Variants in CS observed in about 807,000 individuals in gnomAD.
CS encodes citrate synthase, mitochondrial.
In CS, 13 loss-of-function variants were observed where a neutral mutation model predicts 61.4. The observed-to-expected ratio is 0.21, with a 90% CI of 0.14 to 0.34. The LOEUF is 0.34. Ranked by LOEUF, CS falls within the 10% of genes least tolerant of loss-of-function variation. CS has a pLI of 1.00. For missense variants in CS, 278 were observed against 573.4 expected (o/e 0.48, Z 5.26); for synonymous variants, 159 against 215.2 (o/e 0.74, Z 2.29).
At chr12:56,283,286 C>T (rs1044582652) in intron 4 of CS, among the ~76,000 whole-genome samples, 6 of 152,144 alleles carry the variant, frequency 3.9e-5, no homozygotes, top group African/African-American at 1.4e-4. Flanking sequence ...CACTGTCGCC[C>T]AGGCTGGAGT....
chr12:56,278,457 G>C (rs1432958919), intron 6 of CS, among the ~76,000 whole-genome samples: 1 of 152,112 alleles, frequency 6.6e-6, no homozygotes, highest in Admixed American at 6.5e-5. Flanking sequence ...TTGATAAACA[G>C]GCCAAGCACG....
chr12:56,296,555 GTT>G (rs1279340420), intron 1 of CS, among the ~76,000 whole-genome samples: 3 of 152,194 alleles, frequency 2.0e-5, no homozygotes, highest in African/African-American at 7.2e-5. Flanking sequence ...CCTCATTACG[GTT>G]TTAAATTTCA....
At chr12:56,283,518 C>G (rs1431454451) in intron 4 of CS, among the ~76,000 whole-genome samples, 1 of 152,194 alleles carries the variant, frequency 6.6e-6, no homozygotes, top group African/African-American at 2.4e-5. Context: ...GCTGGGATTA[C>G]AGGTGTGAGC....
Position 56,286,618 on chromosome 12 carries a change from G to C in CS, c.70C>G (p.Arg24Gly). 1.9e-6 allele frequency: 3 copies of C among 1,613,964 alleles called. No homozygotes were observed. The highest frequency in any genetic ancestry group is 2.5e-6 in the Non-Finnish European group (3 of 1,179,948). Reference protein sequence around the residue: ...KNASCLVLAARHASASSTNLK... With the variant: ...KNASCLVLAAGHASASSTNLK... ...ACCGTGGAGGAAGCACTGGCATGCC[G>C]GGCTGCAAGAACAAGACAAGATGCA... is the stretch of plus-strand genomic sequence containing the variant. The change falls in exon 2 of 11, where the codon CGG becomes GGG. Residue 24 changes from arginine (R) to glycine (G), a missense_variant. Arg to Gly is a moderately radical substitution (Grantham distance 125, BLOSUM62 -2). Transcript: ENST00000351328.
chr12:56,274,559 C>T (rs1298484143), intron 9 of CS: 1 of 467,358 alleles, frequency 2.1e-6, no homozygotes, highest in African/African-American at 2.0e-5. Context: ...AAACTCCTGG[C>T]CTCAAGCAAT....
intron 6 of CS, among the ~76,000 whole-genome samples, chr12:56,277,716 C>T (rs914101377): frequency 3.3e-4 from 49 of 149,430 alleles, no homozygotes; most frequent in Middle Eastern, 3.2e-3. Context: ...CTGCAAGCTC[C>T]GCCTCCCGGG....
intron 1 of CS, among the ~76,000 whole-genome samples, chr12:56,292,681 G>A (rs1431053226): frequency 2.8e-5 from 4 of 140,596 alleles, no homozygotes; most frequent in Non-Finnish European, 4.5e-5. Context: ...TCAGGAGATC[G>A]AGACCATCCT....
At chr12:56,273,551 A>C in intron 10 of CS, 36 bp downstream of exon 10, 1 of 1,596,746 alleles carries the variant, frequency 6.3e-7, no homozygotes, top group Non-Finnish European at 8.6e-7. Context: ...AGGGTTTGGT[A>C]CAAATTAGAG....
chr12:56,293,943 C>T (rs953578310), intron 1 of CS, among the ~76,000 whole-genome samples: 14 of 152,122 alleles, frequency 9.2e-5, no homozygotes, highest in African/African-American at 2.4e-4. Context: ...TCAGAGAACA[C>T]GAACACAAAT....
At chr12:56,288,008 C>T (rs547443573) in intron 1 of CS, among the ~76,000 whole-genome samples, 4 of 152,198 alleles carry the variant, frequency 2.6e-5, no homozygotes, top group Admixed American at 2.0e-4. Flanking sequence ...ACTAGGAATA[C>T]GGCCTGAGGC....
intron 2 of CS, 200 bp downstream of exon 2, chr12:56,286,395 C>T: frequency 3.6e-6 from 2 of 551,184 alleles, no homozygotes; most frequent in Non-Finnish European, 6.4e-6. Context: ...TATTGATATT[C>T]CCATCTCACT....
intron 1 of CS, among the ~76,000 whole-genome samples, chr12:56,287,911 G>C (rs890015883): frequency 6.6e-6 from 1 of 152,106 alleles, no homozygotes; most frequent in Non-Finnish European, 1.5e-5. Context: ...GCCTGCCTCG[G>C]CCTCTCAAAG....
In CS at chr12:56,275,079, C is replaced by T. The variant is rs1199784405; in HGVS notation, c.841G>A (p.Ala281Thr). The T allele has an allele frequency of 1.9e-6, 3 of 1,614,114 alleles. No individual in the cohort carries two copies. The highest frequency in any genetic ancestry group is 1.7e-5 in the Admixed American group (1 of 60,012). ...SAHTSHLVGS[A>T]LSDPYLSFAA... ...AAGGACAGGTAAGGGTCGGAAAGGG[C>T]ACTGCCCACCAAATGGCTGGTATGG... Residue 281 changes from alanine to threonine, a missense_variant, in exon 8 of 11, where the codon GCC becomes ACC. By Grantham distance (58) the Ala-to-Thr change is moderately conservative (BLOSUM62 0). Transcript: ENST00000351328.
intron 6 of CS, 151 bp downstream of exon 6, chr12:56,282,269 C>CA: frequency 1.6e-6 from 1 of 620,594 alleles, no homozygotes; most frequent in Non-Finnish European, 2.6e-6. Context: ...CAACAACTGA[C>CA]AAAAAACAAG....
chr12:56,293,705 C>A (rs936482957), intron 1 of CS, among the ~76,000 whole-genome samples: 1 of 152,182 alleles, frequency 6.6e-6, no homozygotes, highest in Admixed American at 6.5e-5. Flanking sequence ...CAGAGCAAGA[C>A]TCCGTCTCAA....
At chr12:56,292,494 G>T (rs1231305888) in intron 1 of CS, among the ~76,000 whole-genome samples, 1 of 151,916 alleles carries the variant, frequency 6.6e-6, no homozygotes, top group African/African-American at 2.4e-5. Context: ...ACAGCAGTAG[G>T]GTGGATGCAT....
At chr12:56,279,747 C>T (rs1403460998) in intron 6 of CS, among the ~76,000 whole-genome samples, 2 of 149,934 alleles carry the variant, frequency 1.3e-5, no homozygotes, top group Non-Finnish European at 3.0e-5. Flanking sequence ...GCCTGGGCAA[C>T]AGAGCGAGAC....
At chr12:56,281,201 A>G (rs1872767919) in intron 6 of CS, among the ~76,000 whole-genome samples, 1 of 152,250 alleles carries the variant, frequency 6.6e-6, no homozygotes, top group Admixed American at 6.5e-5. Flanking sequence ...CAAATAAGGA[A>G]CAAAAGAAAA....
At chr12:56,299,928 G>A (rs1031106617) in intron 1 of CS, 24 of 482,562 alleles carry the variant, frequency 5.0e-5, no homozygotes, top group Non-Finnish European at 8.5e-5. Context: ...CTCCTCACGC[G>A]TTCTGGACTG....
Sources: allele counts gnomAD v4.1 joint callset (sites outside exome capture counted in the v4.1 genomes callset), GRCh38; gene constraint gnomAD v4.1.1; transcripts MANE v1.5; gene names NCBI Gene and HGNC (gene_info 2026-07-23, HGNC 2026-07-21).